Variants in SPATA13 observed in about 807,000 individuals in gnomAD.
SPATA13 encodes the protein spermatogenesis associated 13, also known as spermatogenesis-associated protein 13.
A neutral mutation model predicts 104.0 loss-of-function variants in SPATA13; 50 were observed. That is an observed-to-expected ratio of 0.48 (90% CI 0.38 to 0.61). The LOEUF (loss-of-function observed/expected upper bound fraction) is 0.61. Among genes scored for constraint, SPATA13 ranks in the 20% least tolerant of loss-of-function variants. SPATA13 has a pLI of 0.00. For synonymous variants in SPATA13, 606 were observed against 667.5 expected, an observed-to-expected ratio of 0.91 and a Z score of 1.42; for missense variants, 1,524 against 1,690.6, an observed-to-expected ratio of 0.90 and a Z score of 1.73.
rs551780491 is a variant in SPATA13 at position 24,300,999 on chromosome 13, T to G, written c.3658+524T>G. Among the ~76,000 whole-genome samples the G allele has an allele frequency of 1.5e-3, 221 of 152,218 alleles. 2 individuals are homozygous for G. The highest frequency in any genetic ancestry group is 2.8e-3 in the Non-Finnish European group (190 of 68,018). Reference sequence around the variant, plus strand: ...CTGATTTAGGGCGGTGATTCCCTAATCTCCATGCACATTAGAATTCCCTGG... The same window carrying G: ...CTGATTTAGGGCGGTGATTCCCTAAGCTCCATGCACATTAGAATTCCCTGG... On this transcript the variant is annotated intron_variant, in intron 12 of 12. Coordinates refer to ENST00000382108, the MANE Select transcript of SPATA13 (RefSeq NM_001166271.3).
At position 24,027,133 on chromosome 13, in the gene SPATA13, C is replaced by A. The variant is rs762013450; in HGVS notation, c.-112+9432C>A. 8.8e-5 allele frequency among the ~76,000 whole-genome samples: 8 copies of A among 90,618 alleles called. No individual in the cohort carries two copies. The East Asian group carries it at 1.0e-3, about 11-fold the overall frequency. 59.4% of individuals were successfully genotyped at this position (90,618 alleles called of 152,430 possible). A position where few individuals can be genotyped will look rare whatever the true frequency, so the allele number is the denominator to read the frequency against. On this transcript the variant is annotated intron_variant, in intron 3 of 14. Transcript: ENST00000424834. ...TTGTTCCTGATATTTTTTGTTTAGC[C>A]GTTTTTTTTTTTTTTTTTTGAGACG...
chr13:24,295,667 C>T (rs1426672462), intron 10 of SPATA13, among the ~76,000 whole-genome samples: 1 of 18,934 alleles, frequency 5.3e-5, no homozygotes, highest in Non-Finnish European at 9.9e-5. Context: ...CCAACAAATT[C>T]TCACTCTCTC....
chr13:24,123,495 A>G (rs1454383952), intron 3 of SPATA13: 2 of 1,606,624 alleles, frequency 1.2e-6, no homozygotes, highest in Non-Finnish European at 1.7e-6. Flanking sequence ...AGAGCCAATC[A>G]TATGCAGGGC....
At chr13:24,062,245 A>G (rs1214579270) in intron 3 of SPATA13, among the ~76,000 whole-genome samples, 1 of 152,252 alleles carries the variant, frequency 6.6e-6, no homozygotes, top group Non-Finnish European at 1.5e-5. Context: ...TCTTAGCCCC[A>G]TGTTAACTTC....
intron 2 of SPATA13, among the ~76,000 whole-genome samples, chr13:24,246,212 C>T (rs764890798): frequency 2.0e-5 from 3 of 152,156 alleles, no homozygotes; most frequent in Non-Finnish European, 4.4e-5. Flanking sequence ...GTTTTTCTAG[C>T]GTGTTGTTCC....
upstream of SPATA13, among the ~76,000 whole-genome samples, chr13:24,159,126 G>A (rs968417035): frequency 2.7e-4 from 10 of 37,002 alleles, no homozygotes; most frequent in South Asian, 1.2e-3. Context: ...AATTTAGACC[G>A]TGATATTTTT....
chr13:24,288,378 T>C (rs1876104836), intron 7 of SPATA13, among the ~76,000 whole-genome samples: 1 of 152,260 alleles, frequency 6.6e-6, no homozygotes, highest in Non-Finnish European at 1.5e-5. Context: ...TTCTACTGAA[T>C]GTCATGATAA....
chr13:24,026,460 G>C (rs1201662033), intron 3 of SPATA13, among the ~76,000 whole-genome samples: 1 of 152,176 alleles, frequency 6.6e-6, no homozygotes, highest in Non-Finnish European at 1.5e-5. Flanking sequence ...GTGATGGGGA[G>C]TGTTCGTGGT....
intron 3 of SPATA13, among the ~76,000 whole-genome samples, chr13:24,039,918 G>T (rs1566082135): frequency 6.6e-6 from 1 of 152,120 alleles, no homozygotes; most frequent in Non-Finnish European, 1.5e-5. Flanking sequence ...TTCCCTTCTT[G>T]GGCCACTCAC....
chr13:24,169,423 G>A (rs752756385), intron 1 of SPATA13, among the ~76,000 whole-genome samples: 20 of 152,120 alleles, frequency 1.3e-4, no homozygotes, highest in Non-Finnish European at 2.1e-4. Context: ...ATGACAAGTC[G>A]TAAGGCGTGA....
Position 24,161,057 on chromosome 13 carries a change from G to C in SPATA13, c.-112+125G>C. ...GCTTCGGGATGTCCAGCTCCCAGCT[G>C]CTTGGCCTCTGCTTCCCCCGCCGGT... is the stretch of plus-strand genomic sequence containing the variant. On this transcript the variant is annotated intron_variant, in intron 1 of 12. Coordinates refer to ENST00000382108, the MANE Select transcript of SPATA13 (RefSeq NM_001166271.3). This position sits in a 1 kb window ranked among gnomAD's most constrained non-coding sequence, Gnocchi z 4.5. The C allele has an allele frequency of 1.8e-6, 1 of 561,302 alleles. No individual in the cohort carries two copies. The highest frequency in any genetic ancestry group is 7.6e-5 in the South Asian group (1 of 13,094). 34.8% of individuals were successfully genotyped at this position (561,302 alleles called of 1,614,324 possible).
chr13:24,195,577 T>G (rs9971992), intron 1 of SPATA13, among the ~76,000 whole-genome samples: 70,583 of 151,812 alleles, frequency 0.46, 17,571 homozygotes, highest in Non-Finnish European at 0.56. Flanking sequence ...AATATAAGAG[T>G]GTTCTGATTT....
At chr13:24,035,784 C>A (rs531498170) in intron 3 of SPATA13, among the ~76,000 whole-genome samples, 3 of 152,040 alleles carry the variant, frequency 2.0e-5, no homozygotes, top group Admixed American at 6.6e-5. Context: ...GAGGCCAAGG[C>A]GGGTGGATCA....
chr13:24,023,412 C>T (rs1029877621), intron 3 of SPATA13, among the ~76,000 whole-genome samples: 2 of 152,020 alleles, frequency 1.3e-5, no homozygotes, highest in Admixed American at 6.6e-5. Context: ...TTTTTATCTT[C>T]TAATTTCAAT....
chr13:24,221,309 A>G (rs1438879427), intron 1 of SPATA13, among the ~76,000 whole-genome samples: 1 of 152,210 alleles, frequency 6.6e-6, no homozygotes, highest in African/African-American at 2.4e-5. Flanking sequence ...CCAAGACCTT[A>G]GGGCAGAGGC....
At chr13:24,121,937 T>G in intron 3 of SPATA13, 1 of 672,534 alleles carries the variant, frequency 1.5e-6, no homozygotes, top group Admixed American at 2.5e-5. Context: ...TCTCCTGGGG[T>G]TGTTGTTTCT....
chr13:24,160,016 C>T (rs1465178549), upstream of SPATA13, among the ~76,000 whole-genome samples: 1 of 152,172 alleles, frequency 6.6e-6, no homozygotes, highest in Non-Finnish European at 1.5e-5. Context: ...TTGAGCCTCA[C>T]AAGAAAGGTG....
intron 3 of SPATA13, among the ~76,000 whole-genome samples, chr13:24,148,695 C>T (rs949263242): frequency 4.6e-5 from 7 of 152,148 alleles, no homozygotes; most frequent in African/African-American, 1.7e-4. Context: ...TTTTCTTATG[C>T]CTACAACTGT....
chr13:24,230,182 A>C (rs970616433), intron 2 of SPATA13, among the ~76,000 whole-genome samples: 3 of 152,262 alleles, frequency 2.0e-5, no homozygotes, highest in African/African-American at 7.2e-5. Flanking sequence ...ATCATTAAGC[A>C]GAAGTCAAAC....
Sources: gnomAD v4.1 joint callset for allele counts (sites outside exome capture counted in the v4.1 genomes callset) on GRCh38, gnomAD v4.1.1 for gene constraint, Gnocchi (gnomAD v3.1) non-coding constraint, MANE v1.5 for transcripts, NCBI Gene and HGNC (gene_info 2026-07-23, HGNC 2026-07-21) for gene names.